The following NKAIN2 variants were observed in gnomAD, a reference collection of about 807,000 sequenced individuals.
NKAIN2 encodes the protein sodium/potassium-transporting ATPase subunit beta-1-interacting protein 2.
NKAIN2 carries 14 observed loss-of-function variants against 32.6 expected under a neutral mutation model. The observed-to-expected ratio is 0.43, with a 90% CI of 0.28 to 0.67. The LOEUF (loss-of-function observed/expected upper bound fraction) is 0.67, where lower values mean the gene tolerates loss of function less well. NKAIN2 is among the 30% of genes least tolerant of loss of function. The probability of loss-of-function intolerance (pLI) is 0.17; values close to 1 mark genes in which losing one functional copy is unlikely to be tolerated. For synonymous variants in NKAIN2, 80 were observed against 87.2 expected (o/e 0.92, Z 0.46); for missense variants, 198 against 258.3 (o/e 0.77, Z 1.60).
intron 1 of NKAIN2, among the ~76,000 whole-genome samples, chr6:124,147,479 A>G (rs1441931050): frequency 6.6e-6 from 1 of 152,184 alleles, no homozygotes; most frequent in Non-Finnish European, 1.5e-5. Context: ...GCCTAGAACA[A>G]AAGAGATAAA....
intron 3 of NKAIN2, among the ~76,000 whole-genome samples, chr6:124,455,793 TAATATA>T (rs1186361549): frequency 1.3e-5 from 2 of 151,974 alleles, no homozygotes; most frequent in East Asian, 3.9e-4. Flanking sequence ...TATATAAGTG[TAATATA>T]AATATATACA....
At chr6:124,189,815 A>G (rs975326568) in intron 1 of NKAIN2, among the ~76,000 whole-genome samples, 1 of 152,248 alleles carries the variant, frequency 6.6e-6, no homozygotes, top group African/African-American at 2.4e-5. Context: ...TACATGTTGC[A>G]CACACGGAGG....
At chr6:123,884,183 C>T (rs1428841170) in intron 1 of NKAIN2, among the ~76,000 whole-genome samples, 1 of 152,040 alleles carries the variant, frequency 6.6e-6, no homozygotes, top group Non-Finnish European at 1.5e-5. Flanking sequence ...CTTCATTTAG[C>T]TCCCCCTTAT....
At chr6:123,862,629 T>A (rs900998205) in intron 1 of NKAIN2, among the ~76,000 whole-genome samples, 1 of 152,186 alleles carries the variant, frequency 6.6e-6, no homozygotes, top group Non-Finnish European at 1.5e-5. Flanking sequence ...TCTAATAAAC[T>A]GAACTTTTTA....
At chr6:124,283,234 T>C (rs191706746) in intron 2 of NKAIN2, 92 bp downstream of exon 2, 5 of 813,188 alleles carry the variant, frequency 6.1e-6, no homozygotes, top group Admixed American at 2.2e-5. Context: ...GTATAATCTA[T>C]CTTAAAGATG....
chr6:124,609,469 G>C (rs935757282), intron 3 of NKAIN2, among the ~76,000 whole-genome samples: 1 of 151,976 alleles, frequency 6.6e-6, no homozygotes, highest in African/African-American at 2.4e-5. Flanking sequence ...TATAAATCTT[G>C]TTCCATTTTA....
intron 3 of NKAIN2, among the ~76,000 whole-genome samples, chr6:124,626,043 T>C (rs538698983): frequency 4.2e-4 from 64 of 151,288 alleles, no homozygotes; most frequent in Admixed American, 1.1e-3. Flanking sequence ...GCTGCACCCA[T>C]TAACTCGTCA....
chr6:123,832,567 C>G (rs956313958), intron 1 of NKAIN2, among the ~76,000 whole-genome samples: 24 of 152,176 alleles, frequency 1.6e-4, no homozygotes, highest in African/African-American at 5.1e-4. Flanking sequence ...TCCAAAGTGG[C>G]TGTACCGTTT....
chr6:123,974,943 G>A (rs981311993), intron 1 of NKAIN2, among the ~76,000 whole-genome samples: 5 of 152,118 alleles, frequency 3.3e-5, no homozygotes, highest in African/African-American at 1.2e-4. Flanking sequence ...TGAAATGTTA[G>A]CATGCTTGAC....
At chr6:124,375,754 T>C (rs1375178556) in intron 3 of NKAIN2, among the ~76,000 whole-genome samples, 1 of 151,782 alleles carries the variant, frequency 6.6e-6, no homozygotes, top group East Asian at 1.9e-4. Context: ...AGTTAAGAGG[T>C]TACAGAACTC....
At chr6:124,519,243 A>G (rs1779034917) in intron 3 of NKAIN2, among the ~76,000 whole-genome samples, 1 of 152,220 alleles carries the variant, frequency 6.6e-6, no homozygotes, top group African/African-American at 2.4e-5. Flanking sequence ...ACAGTCATGA[A>G]CAAGAACCAA....
At chr6:124,350,408 A>G (rs1798664730) in intron 2 of NKAIN2, among the ~76,000 whole-genome samples, 1 of 151,904 alleles carries the variant, frequency 6.6e-6, no homozygotes, top group East Asian at 1.9e-4. Flanking sequence ...AGCTACTAAA[A>G]TGAGAAAAAA....
intron 3 of NKAIN2, among the ~76,000 whole-genome samples, chr6:124,584,246 T>G (rs1363356699): frequency 6.6e-6 from 1 of 152,188 alleles, no homozygotes; most frequent in Non-Finnish European, 1.5e-5. Flanking sequence ...ACTACCCATC[T>G]GAGAAGGAAT....
At chr6:124,532,162 G>C (rs1211076352) in intron 3 of NKAIN2, among the ~76,000 whole-genome samples, 1 of 152,192 alleles carries the variant, frequency 6.6e-6, no homozygotes, top group Admixed American at 6.5e-5. Flanking sequence ...AGCCGTGGAA[G>C]AAGGTGCAGG....
At chr6:124,000,880 T>A (rs1344533001) in intron 1 of NKAIN2, among the ~76,000 whole-genome samples, 3 of 152,122 alleles carry the variant, frequency 2.0e-5, no homozygotes, top group African/African-American at 7.2e-5. Flanking sequence ...TAGATGTTTT[T>A]AATCTCACTG....
intron 3 of NKAIN2, among the ~76,000 whole-genome samples, chr6:124,542,869 T>A (rs561363267): frequency 4.2e-4 from 64 of 152,272 alleles, no homozygotes; most frequent in Non-Finnish European, 8.1e-4. Context: ...ATTCATAACA[T>A]TTCGAACATT....
Position 124,331,345 on chromosome 6 carries a change from C to CAAAAAAAAAAAAAAAA in NKAIN2, c.193-23903_193-23888dup, listed in dbSNP as rs1162529828. On this transcript the variant is annotated intron_variant, in intron 2 of 6. Coordinates refer to ENST00000368417, the MANE Select transcript of NKAIN2 (RefSeq NM_001040214.3). ...TGAAACCCTGTCTCTACTAAATATACAAAAAAAAAAAAAAAAAAAAAAAAA... is the reference window on the plus strand; with the variant it reads ...TGAAACCCTGTCTCTACTAAATATACAAAAAAAAAAAAAAAAAAAAAAAAAAAAAAAAAAAAAAAAA... 1.6e-3 allele frequency among the ~76,000 whole-genome samples: 33 copies of CAAAAAAAAAAAAAAAA among 20,814 alleles called. 5 individuals carry two copies. Among genetic ancestry groups the CAAAAAAAAAAAAAAAA allele is most frequent in the East Asian group, 7.1e-3 (4 of 560 alleles). The allele number at this position is 20,814 out of a possible 152,430, so 13.7% of individuals were successfully genotyped here.
At chr6:124,310,438 C>T (rs1796667325) in intron 2 of NKAIN2, among the ~76,000 whole-genome samples, 1 of 151,972 alleles carries the variant, frequency 6.6e-6, no homozygotes, top group Non-Finnish European at 1.5e-5. Context: ...AAATGCATTA[C>T]ATGTTTTAAC....
At chr6:124,122,344 GA>G (rs1471202582) in intron 1 of NKAIN2, among the ~76,000 whole-genome samples, 5 of 152,054 alleles carry the variant, frequency 3.3e-5, no homozygotes, top group Non-Finnish European at 7.4e-5. Context: ...AGTCTGGGTA[GA>G]TAAGCAAGCA....
Sources: allele counts gnomAD v4.1 joint callset (sites outside exome capture counted in the v4.1 genomes callset), GRCh38; gene constraint gnomAD v4.1.1; transcripts MANE v1.5; gene names NCBI Gene and HGNC (gene_info 2026-07-23, HGNC 2026-07-21).